Variants in DIAPH2 observed in about 807,000 individuals in gnomAD.
DIAPH2 encodes the protein diaphanous related formin 2, also known as protein diaphanous homolog 2.
Under a neutral mutation model 92.7 loss-of-function variants are expected in DIAPH2, and 35 were observed. That is an observed-to-expected ratio of 0.38 (90% CI 0.29 to 0.50). DIAPH2 has a LOEUF of 0.50. Among genes scored for constraint, DIAPH2 ranks in the 20% least tolerant of loss-of-function variants. The pLI is 0.94. For missense variants in DIAPH2, 701 were observed against 819.5 expected (o/e 0.86, Z 1.77); for synonymous variants, 301 against 280.4 (o/e 1.07, Z -0.73).
At chrX:97,336,681 C>T (rs1001132897) in intron 23 of DIAPH2, among the ~76,000 whole-genome samples, 15 of 111,949 alleles carry the variant, frequency 1.3e-4, no homozygotes, top group Admixed American at 1.1e-3. Flanking sequence ...TCATCAGCAC[C>T]TAGAAGATAC....
At chrX:97,070,943 T>C (rs1196612619) in intron 17 of DIAPH2, among the ~76,000 whole-genome samples, 1 of 111,846 alleles carries the variant, frequency 8.9e-6, no homozygotes, top group East Asian at 2.8e-4. Context: ...CCTGGGTTAG[T>C]CAGGATCCTG....
intron 26 of DIAPH2, among the ~76,000 whole-genome samples, chrX:97,460,742 G>T (rs975357221): frequency 9.0e-6 from 1 of 111,477 alleles, no homozygotes; most frequent in African/African-American, 3.3e-5. Context: ...TGAATTCCTT[G>T]TGGCTAAAAA....
intron 4 of DIAPH2, among the ~76,000 whole-genome samples, chrX:96,871,780 A>T (rs2065145141): frequency 8.9e-6 from 1 of 112,570 alleles, no homozygotes; most frequent in African/African-American, 3.2e-5. Context: ...TTCACACAAA[A>T]ACCTGTGCAT....
intron 26 of DIAPH2, among the ~76,000 whole-genome samples, chrX:97,496,486 C>T (rs2070759342): frequency 9.4e-6 from 1 of 106,903 alleles, no homozygotes; most frequent in Admixed American, 1.0e-4. Context: ...GTACCATTTT[C>T]ATTCTTAAAT....
At chrX:96,755,163 A>G (rs1602481094) in intron 3 of DIAPH2, among the ~76,000 whole-genome samples, 1 of 110,588 alleles carries the variant, frequency 9.0e-6, no homozygotes, top group Non-Finnish European at 1.9e-5. Context: ...AGGGACAGTG[A>G]TCCAGATAAT....
chrX:96,714,301 G>A (rs1306635138), intron 1 of DIAPH2, among the ~76,000 whole-genome samples: 28 of 96,069 alleles, frequency 2.9e-4, no homozygotes, highest in East Asian at 6.3e-4. Context: ...AGTTTTGCTC[G>A]TTGCCCAGGC....
chrX:97,599,213 A>C (rs2071575704), intron 26 of DIAPH2, 40 bp from the exon 27 acceptor site: 1 of 1,063,202 alleles, frequency 9.4e-7, no homozygotes, highest in Non-Finnish European at 1.3e-6. Flanking sequence ...AAGATCTAAA[A>C]CTTACCATGC....
At chrX:97,147,826 A>G (rs1373411105) in intron 22 of DIAPH2, among the ~76,000 whole-genome samples, 1 of 111,388 alleles carries the variant, frequency 9.0e-6, no homozygotes, top group Non-Finnish European at 1.9e-5. Flanking sequence ...CCATGTTTCC[A>G]TGTCATGTTA....
At chrX:97,390,190 T>C (rs1344112976) in intron 25 of DIAPH2, among the ~76,000 whole-genome samples, 7 of 105,741 alleles carry the variant, frequency 6.6e-5, no homozygotes, top group Non-Finnish European at 1.4e-4. Flanking sequence ...TTGGTTTATC[T>C]TTTTCCCTGC....
chrX:97,587,815 G>A (rs1326903320), intron 26 of DIAPH2, among the ~76,000 whole-genome samples: 2 of 111,620 alleles, frequency 1.8e-5, no homozygotes, highest in Non-Finnish European at 3.8e-5. Flanking sequence ...GTGCCATTCT[G>A]GTCATTTTAC....
At chrX:97,449,283 A>C (rs1286849549) in intron 26 of DIAPH2, among the ~76,000 whole-genome samples, 1 of 111,950 alleles carries the variant, frequency 8.9e-6, no homozygotes, top group Non-Finnish European at 1.9e-5. Flanking sequence ...CTCAGCTTTT[A>C]TTGATAAATA....
At chrX:97,252,471 A>G (rs1208398518) in intron 23 of DIAPH2, among the ~76,000 whole-genome samples, 3 of 111,921 alleles carry the variant, frequency 2.7e-5, no homozygotes, top group Admixed American at 9.5e-5. Context: ...CAGATAATTC[A>G]AAACAGATTT....
chrX:97,206,727 A>AT lies in DIAPH2; in HGVS notation c.2720-40980dup, dbSNP rs201750678. On this transcript the variant is annotated intron_variant, in intron 22 of 26. Transcript: ENST00000324765. ...CTCTGCTGAGGTTATGCTAAAAGAAATTTTTTTTAAATTGATGAAGATAGT... is the reference window on the plus strand; with the variant it reads ...CTCTGCTGAGGTTATGCTAAAAGAAATTTTTTTTTAAATTGATGAAGATAGT... Among the ~76,000 whole-genome samples, 1,040 of 111,663 alleles carry AT rather than the reference A, an allele frequency of 9.3e-3. 12 individuals are homozygous for AT. The highest frequency in any genetic ancestry group is 0.03 in the African/African-American group (932 of 30,730).
chrX:96,804,341 A>G (rs762656055), intron 4 of DIAPH2, among the ~76,000 whole-genome samples: 1 of 111,725 alleles, frequency 9.0e-6, no homozygotes, highest in South Asian at 3.7e-4. Flanking sequence ...CAAAATGTTG[A>G]TATTCATTTT....
chrX:97,300,940 AAAAAAAAAAAAAAAAAAAAAAAAAAG>A (rs1474132181), intron 23 of DIAPH2, among the ~76,000 whole-genome samples: 17 of 42,419 alleles, frequency 4.0e-4, no homozygotes, highest in Non-Finnish European at 7.3e-4. Flanking sequence ...TTAAAAAAAA[AAAAAAAAAAAAAAAAAAAAAAAAAAG>A]AAGAAGAAGA....
intron 23 of DIAPH2, among the ~76,000 whole-genome samples, chrX:97,321,539 T>G (rs999456453): frequency 2.2e-5 from 2 of 91,595 alleles, no homozygotes; most frequent in Non-Finnish European, 4.2e-5. Flanking sequence ...TGTTGTTGTG[T>G]TGTTATTTTT....
In DIAPH2 at chrX:97,599,569, T is replaced by C. The variant is rs1347912031; in HGVS notation, c.*252T>C. ...GTGTAAAGATGTGTATCATTTGTAA[T>C]TGTGTGTGACCTGACTGTGATGATG... On this transcript the variant is annotated 3_prime_UTR_variant, in exon 27 of 27. Transcript: ENST00000324765. 5.3e-6 allele frequency: 1 copy of C among 188,509 alleles called. No homozygotes were observed. Among genetic ancestry groups the C allele is most frequent in the Non-Finnish European group, 9.8e-6 (1 of 101,728 alleles). The allele number at this position is 188,509 out of a possible 1,213,427, so 15.5% of individuals were successfully genotyped here. A position where few individuals can be genotyped will look rare whatever the true frequency, so the allele number is the denominator to read the frequency against.
intron 26 of DIAPH2, among the ~76,000 whole-genome samples, chrX:97,536,796 A>G: frequency 8.9e-6 from 1 of 111,742 alleles, no homozygotes; most frequent in Non-Finnish European, 1.9e-5. Context: ...GATACAATAC[A>G]GACCTGGATT....
intron 26 of DIAPH2, among the ~76,000 whole-genome samples, chrX:97,481,291 G>A (rs946749709): frequency 3.7e-4 from 41 of 111,568 alleles, no homozygotes; most frequent in African/African-American, 1.2e-3. Flanking sequence ...TTTGTAGTAC[G>A]GTAGTGAGAT....
Sources: gnomAD v4.1 joint callset for allele counts (sites outside exome capture counted in the v4.1 genomes callset) on GRCh38, gnomAD v4.1.1 for gene constraint, MANE v1.5 for transcripts, NCBI Gene and HGNC (gene_info 2026-07-23, HGNC 2026-07-21) for gene names.